Variants in SOX5 observed in about 807,000 individuals in gnomAD.
The protein encoded by SOX5 is SRY-box transcription factor 5, also known as transcription factor SOX-5.
In SOX5, 9 loss-of-function variants were observed where a neutral mutation model predicts 92.0. That is an observed-to-expected ratio of 0.10 (90% CI 0.06 to 0.17). The LOEUF (loss-of-function observed/expected upper bound fraction) is 0.17, where lower values mean the gene tolerates loss of function less well. Ranked by LOEUF, SOX5 falls within the 10% of genes least tolerant of loss-of-function variation. SOX5 has a pLI of 1.00. For missense variants in SOX5, 642 were observed against 944.5 expected (o/e 0.68, Z 4.20); for synonymous variants, 344 against 336.3 (o/e 1.02, Z -0.25).
intron 6 of SOX5, among the ~76,000 whole-genome samples, chr12:23,703,899 T>C (rs1190846391): frequency 6.6e-6 from 1 of 152,010 alleles, no homozygotes; most frequent in Non-Finnish European, 1.5e-5. Flanking sequence ...AAGAGCAAAC[T>C]GCACATACTA....
chr12:23,974,157 C>G (rs11047182), intron 4 of SOX5, among the ~76,000 whole-genome samples: 2 of 151,908 alleles, frequency 1.3e-5, no homozygotes, highest in African/African-American at 4.8e-5. Flanking sequence ...CGAATGTAGT[C>G]TCTCTCTCTC....
At chr12:24,096,797 C>A (rs1012348631) in intron 4 of SOX5, among the ~76,000 whole-genome samples, 3 of 151,990 alleles carry the variant, frequency 2.0e-5, no homozygotes, top group Non-Finnish European at 4.4e-5. Context: ...TGTGTGTTCT[C>A]ATAATAACTT....
intron 2 of SOX5, among the ~76,000 whole-genome samples, chr12:24,285,721 G>T (rs567041933): frequency 6.6e-6 from 1 of 152,242 alleles, no homozygotes; most frequent in Admixed American, 6.5e-5. Flanking sequence ...AACAAAACAT[G>T]ACCTTCCAGT....
intron 4 of SOX5, among the ~76,000 whole-genome samples, chr12:24,160,903 C>G (rs771592705): frequency 1.3e-5 from 2 of 152,080 alleles, no homozygotes; most frequent in Non-Finnish European, 2.9e-5. Context: ...CATGTGCACA[C>G]ACACTCCTCC....
intron 6 of SOX5, among the ~76,000 whole-genome samples, chr12:23,696,506 T>C (rs1265629516): frequency 2.0e-5 from 3 of 152,186 alleles, no homozygotes; most frequent in Non-Finnish European, 4.4e-5. Flanking sequence ...TACTCTGTTT[T>C]ATTTCCTGAA....
intron 8 of SOX5, among the ~76,000 whole-genome samples, chr12:23,625,100 A>G (rs2077604677): frequency 6.6e-6 from 1 of 152,244 alleles, no homozygotes; most frequent in Admixed American, 6.5e-5. Context: ...TTAAGATAAT[A>G]AGAATATAAC....
intron 3 of SOX5, among the ~76,000 whole-genome samples, chr12:24,254,508 A>G (rs1227049981): frequency 6.6e-6 from 1 of 152,038 alleles, no homozygotes; most frequent in Non-Finnish European, 1.5e-5. Context: ...AAAAAAAATC[A>G]TCTAATACAA....
At chr12:24,231,131 G>A (rs1963304689) in intron 3 of SOX5, among the ~76,000 whole-genome samples, 1 of 152,206 alleles carries the variant, frequency 6.6e-6, no homozygotes, top group African/African-American at 2.4e-5. Context: ...TCATATTGAA[G>A]CTCTTACTTT....
At chr12:23,998,574 G>A (rs1206547434) in intron 4 of SOX5, among the ~76,000 whole-genome samples, 1 of 152,058 alleles carries the variant, frequency 6.6e-6, no homozygotes, top group Admixed American at 6.6e-5. Context: ...GGAGGCTGAG[G>A]CTGGTGGATC....
chr12:24,311,681 G>A (rs913386841), intron 2 of SOX5, among the ~76,000 whole-genome samples: 2 of 152,140 alleles, frequency 1.3e-5, no homozygotes, highest in African/African-American at 4.8e-5. Context: ...AAATGCTGAA[G>A]ATCAACATTC....
chr12:23,695,091 G>C (rs1207363943), intron 6 of SOX5, among the ~76,000 whole-genome samples: 2 of 144,630 alleles, frequency 1.4e-5, no homozygotes, highest in Admixed American at 7.2e-5. Flanking sequence ...CTCTACTCCA[G>C]CTTGGGTGAC....
intron 1 of SOX5, among the ~76,000 whole-genome samples, chr12:24,538,676 C>T (rs1951861256): frequency 6.6e-6 from 1 of 151,000 alleles, no homozygotes; most frequent in Non-Finnish European, 1.5e-5. Context: ...TTTTTTTCTT[C>T]CACTTAGAGC....
At chr12:24,076,201 C>T (rs1373477587) in intron 4 of SOX5, among the ~76,000 whole-genome samples, 1 of 152,026 alleles carries the variant, frequency 6.6e-6, no homozygotes, top group African/African-American at 2.4e-5. Context: ...GTTTGATATC[C>T]CTTTAATTAA....
At chr12:24,048,926 T>G (rs1001842548) in intron 4 of SOX5, among the ~76,000 whole-genome samples, 8 of 152,188 alleles carry the variant, frequency 5.3e-5, no homozygotes, top group Non-Finnish European at 8.8e-5. Flanking sequence ...TGAAAATGTT[T>G]TAGCTTTGAT....
At chr12:24,001,299 C>T (rs1951587559) in intron 4 of SOX5, among the ~76,000 whole-genome samples, 1 of 151,990 alleles carries the variant, frequency 6.6e-6, no homozygotes, top group Non-Finnish European at 1.5e-5. Context: ...ACTATGTTGG[C>T]CAGGCGAGCC....
At chr12:23,579,108 T>C (rs1949686645) in intron 9 of SOX5, among the ~76,000 whole-genome samples, 1 of 152,160 alleles carries the variant, frequency 6.6e-6, no homozygotes, top group South Asian at 2.1e-4. Context: ...TGGGTGCTCA[T>C]GGGATGAAGT....
intron 1 of SOX5, among the ~76,000 whole-genome samples, chr12:24,384,939 G>C (rs988632421): frequency 1.3e-5 from 2 of 152,016 alleles, no homozygotes; most frequent in African/African-American, 2.4e-5. Flanking sequence ...CATTTATCTC[G>C]CTTCATCTCA....
chr12:23,842,326 G>A (rs1461164876), intron 3 of SOX5, among the ~76,000 whole-genome samples: 2 of 152,010 alleles, frequency 1.3e-5, no homozygotes, highest in Admixed American at 6.6e-5. Flanking sequence ...AAGAAATGAA[G>A]CTGCAATAAT....
At chr12:24,359,415 A>G (rs1398254484) in intron 2 of SOX5, among the ~76,000 whole-genome samples, 1 of 152,204 alleles carries the variant, frequency 6.6e-6, no homozygotes, top group Non-Finnish European at 1.5e-5. Flanking sequence ...TAATTTATCT[A>G]CAGGCATCTT....
Sources: gnomAD v4.1 joint callset for allele counts (sites outside exome capture counted in the v4.1 genomes callset) on GRCh38, gnomAD v4.1.1 for gene constraint, MANE v1.5 for transcripts, NCBI Gene and HGNC (gene_info 2026-07-23, HGNC 2026-07-21) for gene names.